Variants in CELF2 observed in about 807,000 individuals in gnomAD.
The protein encoded by CELF2 is CUG triplet repeat RNA-binding protein 2.
CELF2 carries 8 observed loss-of-function variants against 62.6 expected under a neutral mutation model. The ratio of observed to expected loss-of-function variants is 0.13; its 90% CI spans 0.07 to 0.23. The LOEUF (loss-of-function observed/expected upper bound fraction) is 0.23, where lower values mean the gene tolerates loss of function less well. CELF2 is among the 10% of genes least tolerant of loss of function. The pLI, the probability that CELF2 is intolerant of heterozygous loss-of-function variation, is 1.00. For synonymous variants in CELF2, 258 were observed against 250.0 expected (o/e 1.03, Z -0.30); for missense variants, 333 against 671.0 (o/e 0.50, Z 5.56).
chr10:11,330,420 T>C lies in CELF2; in HGVS notation c.*1367T>C, dbSNP rs1468237889. On this transcript the variant is annotated 3_prime_UTR_variant, in exon 13 of 13. Transcript: ENST00000633077. The surrounding 1 kb of genome is among the most constrained non-coding windows in gnomAD (Gnocchi z 4.5). ...GATTTTGTTGCCGCTGCATAGATTCTGTGTAACTTTTTACTCTTCCTTGTT... is the reference window on the plus strand; with the variant it reads ...GATTTTGTTGCCGCTGCATAGATTCCGTGTAACTTTTTACTCTTCCTTGTT... 6.6e-6 allele frequency: 1 copy of C among 152,600 alleles called. No individual in the cohort carries two copies. The highest frequency in any genetic ancestry group is 1.5e-5 in the Non-Finnish European group (1 of 68,046). 9.5% of individuals were successfully genotyped at this position (152,600 alleles called of 1,614,324 possible). A position where few individuals can be genotyped will look rare whatever the true frequency, so the allele number is the denominator to read the frequency against.
At chr10:10,616,298 GT>G in the CELF2 span, among the ~76,000 whole-genome samples, 17 of 106,432 alleles carry the variant, frequency 1.6e-4, no homozygotes, top group African/African-American at 2.1e-4. Flanking sequence ...TGTTTGGGGT[GT>G]GTGTGTGTGT....
intron 2 of CELF2, among the ~76,000 whole-genome samples, chr10:11,185,327 A>G (rs1173948007): frequency 6.6e-6 from 1 of 152,084 alleles, no homozygotes; most frequent in Non-Finnish European, 1.5e-5. Context: ...GGTGCACGTC[A>G]CCACACCCAG....
the CELF2 span, among the ~76,000 whole-genome samples, chr10:10,604,664 A>G: frequency 6.6e-6 from 1 of 152,214 alleles, no homozygotes; most frequent in African/African-American, 2.4e-5. Context: ...GCATCTAATC[A>G]GTGAGCAGCC....
At chr10:10,502,321 G>A in the CELF2 span, among the ~76,000 whole-genome samples, 2 of 151,982 alleles carry the variant, frequency 1.3e-5, no homozygotes, top group Admixed American at 1.3e-4. Flanking sequence ...GGAAGAGATT[G>A]TGTAGAATTG....
At chr10:10,847,715 C>T (rs10795828) in intron 1 of CELF2, among the ~76,000 whole-genome samples, 9,636 of 152,272 alleles carry the variant, frequency 0.063, 439 homozygotes, top group East Asian at 0.21. Flanking sequence ...TGGCTCTCAG[C>T]TCTCATTGTT....
the CELF2 span, among the ~76,000 whole-genome samples, chr10:10,643,301 G>C: frequency 6.6e-6 from 1 of 152,040 alleles, no homozygotes; most frequent in South Asian, 2.1e-4. Flanking sequence ...GTTGGAGATA[G>C]TTGAATCAGG....
At chr10:10,922,422 T>C (rs981255872) in intron 2 of CELF2, among the ~76,000 whole-genome samples, 10 of 152,180 alleles carry the variant, frequency 6.6e-5, no homozygotes, top group African/African-American at 2.4e-4. Flanking sequence ...TCCAAACTTT[T>C]GTAGAGCAGC....
intron 4 of CELF2, among the ~76,000 whole-genome samples, chr10:11,252,540 C>G (rs954065104): frequency 1.6e-4 from 24 of 152,222 alleles, no homozygotes; most frequent in African/African-American, 5.1e-4. Flanking sequence ...TTTCGTCCAT[C>G]GAGCGATTCT....
Position 11,246,810 on chromosome 10 carries a change from C to T in CELF2, c.355-2343C>T, listed in dbSNP as rs1174364596. Among the ~76,000 whole-genome samples the T allele has an allele frequency of 6.6e-6, 1 of 152,242 alleles. No homozygotes were observed. The highest frequency in any genetic ancestry group is 6.5e-5 in the Admixed American group (1 of 15,284). On this transcript the variant is annotated intron_variant, in intron 3 of 12. Transcript: ENST00000633077. This position sits in a 1 kb window ranked among gnomAD's most constrained non-coding sequence, Gnocchi z 4.6. Reference sequence around the variant, plus strand: ...GCATACCTGTGGCTTCACTGTCACGCTAAGGAACATTCTCTGTGGCCCTGG... The same window carrying T: ...GCATACCTGTGGCTTCACTGTCACGTTAAGGAACATTCTCTGTGGCCCTGG...
intron 2 of CELF2, among the ~76,000 whole-genome samples, chr10:11,199,278 G>A (rs948883500): frequency 3.9e-5 from 6 of 152,264 alleles, no homozygotes; most frequent in Non-Finnish European, 5.9e-5. Context: ...TCTACTCCCC[G>A]ATTCGGTTGC....
chr10:11,061,550 A>G (rs1430389785), intron 1 of CELF2, among the ~76,000 whole-genome samples: 2 of 152,238 alleles, frequency 1.3e-5, no homozygotes, highest in African/African-American at 4.8e-5. Flanking sequence ...GGTAAATGAA[A>G]CAGCCTGCTA....
At chr10:10,506,044 C>T in the CELF2 span, among the ~76,000 whole-genome samples, 1 of 151,750 alleles carries the variant, frequency 6.6e-6, no homozygotes, top group African/African-American at 2.4e-5. Context: ...AGTGTGTCTA[C>T]TCCATTTGCC....
At chr10:11,128,121 C>T (rs1243011557) in intron 1 of CELF2, among the ~76,000 whole-genome samples, 1 of 152,184 alleles carries the variant, frequency 6.6e-6, no homozygotes, top group African/African-American at 2.4e-5. Context: ...TTCCCAGCAC[C>T]ATTTATTAAA....
intron 2 of CELF2, among the ~76,000 whole-genome samples, chr10:11,195,223 C>T (rs186652592): frequency 7.9e-5 from 12 of 152,310 alleles, no homozygotes; most frequent in Middle Eastern, 3.4e-3. Flanking sequence ...TGTCCTCTTG[C>T]GAGACTATCC....
chr10:11,121,368 C>T (rs2057702887), intron 1 of CELF2, among the ~76,000 whole-genome samples: 1 of 152,162 alleles, frequency 6.6e-6, no homozygotes, highest in South Asian at 2.1e-4. Context: ...GCAAATTCTT[C>T]TGATGCCAAA....
At chr10:10,562,073 A>G in the CELF2 span, among the ~76,000 whole-genome samples, 18,697 of 152,160 alleles carry the variant, frequency 0.12, 1,421 homozygotes, top group Non-Finnish European at 0.17. Context: ...ACCAATCAAC[A>G]CTGCTGTTGG....
chr10:10,697,129 A>C, the CELF2 span, among the ~76,000 whole-genome samples: 1 of 152,124 alleles, frequency 6.6e-6, no homozygotes, highest in East Asian at 1.9e-4. Context: ...AAAAAAAAAA[A>C]AGTGGTTGTC....
At chr10:11,029,278 T>A (rs1408160082) in intron 1 of CELF2, among the ~76,000 whole-genome samples, 1 of 152,188 alleles carries the variant, frequency 6.6e-6, no homozygotes, top group Non-Finnish European at 1.5e-5. Flanking sequence ...TTTTGGTGGT[T>A]AATAAAAAAG....
chr10:10,805,645 C>T (rs550440018), intron 1 of CELF2, among the ~76,000 whole-genome samples: 10 of 152,094 alleles, frequency 6.6e-5, no homozygotes, highest in East Asian at 1.9e-4. Context: ...GGGGGGGAGA[C>T]GGGTGGATGA....
Sources: allele counts gnomAD v4.1 joint callset (sites outside exome capture counted in the v4.1 genomes callset), GRCh38; gene constraint gnomAD v4.1.1; non-coding constraint Gnocchi (gnomAD v3.1); transcripts MANE v1.5; gene names NCBI Gene and HGNC (gene_info 2026-07-23, HGNC 2026-07-21).